The following TSPAN11 variants were observed in gnomAD, a reference collection of about 807,000 sequenced individuals.
TSPAN11 encodes tetraspanin 11.
A neutral mutation model predicts 32.9 loss-of-function variants in TSPAN11; 29 were observed. The observed-to-expected ratio is 0.88, with a 90% CI of 0.66 to 1.20. The LOEUF (loss-of-function observed/expected upper bound fraction) is 1.20. TSPAN11 is among the 50% of genes most tolerant of loss of function. The probability of loss-of-function intolerance (pLI) is 0.00; values close to 1 mark genes in which losing one functional copy is unlikely to be tolerated. For missense variants in TSPAN11, 283 were observed against 329.1 expected, an observed-to-expected ratio of 0.86 and a Z score of 1.08; for synonymous variants, 140 against 141.3, an observed-to-expected ratio of 0.99 and a Z score of 0.07.
Position 30,993,895 on chromosome 12 carries a change from A to G in TSPAN11, c.*1980A>G, listed in dbSNP as rs1301397528. ...CTGTCTGCCCTGGTGGGGATGAAAG[A>G]CAGGTGACAGGCAGGTGCCCTGTGC... On this transcript the variant is annotated 3_prime_UTR_variant, in exon 8 of 8. Coordinates refer to ENST00000546076, the MANE Select transcript of TSPAN11 (RefSeq NM_001370302.1). 1.3e-5 allele frequency: 2 copies of G among 152,240 alleles called. No homozygotes were observed. Among genetic ancestry groups the G allele is most frequent in the Non-Finnish European group, 2.9e-5 (2 of 68,056 alleles). The allele number at this position is 152,240 out of a possible 1,614,324, so 9.4% of individuals were successfully genotyped here. A position where few individuals can be genotyped will look rare whatever the true frequency, so the allele number is the denominator to read the frequency against.
At chr12:30,955,354 G>C (rs1020511400) in intron 2 of TSPAN11, 1 of 152,210 alleles carries the variant, frequency 6.6e-6, no homozygotes, top group Non-Finnish European at 1.5e-5. Flanking sequence ...TAAACTGTGT[G>C]GTAGAGATGG....
At chr12:31,005,580 C>G in the TSPAN11 span, among the ~76,000 whole-genome samples, 1 of 152,226 alleles carries the variant, frequency 6.6e-6, no homozygotes, top group East Asian at 1.9e-4. Flanking sequence ...TGCCCCAGGT[C>G]TCCCTGTGCC....
chr12:30,991,982 C>T lies in TSPAN11; in HGVS notation c.*67C>T. ...TGTGGCCACATGCCATCTGCAAGGC[C>T]TGCAGAGTTAGCACCAGCTCCACTA... On this transcript the variant is annotated 3_prime_UTR_variant, in exon 8 of 8. Transcript: ENST00000546076. 1 of 1,562,404 alleles carries T rather than the reference C, an allele frequency of 6.4e-7. No individual in the cohort carries two copies. The highest frequency in any genetic ancestry group is 8.8e-7 in the Non-Finnish European group (1 of 1,133,330).
At chr12:31,005,568 C>T in the TSPAN11 span, among the ~76,000 whole-genome samples, 549 of 152,306 alleles carry the variant, frequency 3.6e-3, 6 homozygotes, top group African/African-American at 0.013. Flanking sequence ...CCAGGTGCCC[C>T]GTGCCCCAGG....
intron 1 of TSPAN11, among the ~76,000 whole-genome samples, chr12:30,948,283 C>T (rs772941153): frequency 1.3e-5 from 2 of 152,188 alleles, no homozygotes; most frequent in Non-Finnish European, 1.5e-5. Context: ...ACAGTGGCCC[C>T]CTTCTCACAG....
chr12:30,966,688 G>A lies in TSPAN11; in HGVS notation c.276+2671G>A, dbSNP rs115131037. On this transcript the variant is annotated intron_variant, in intron 3 of 7. Transcript: ENST00000546076. ...GACCAGAGGCCAAGGGGGAGGATGTGTGCAGGGCACACCCTGCCCTCCATC... is the reference window on the plus strand; with the variant it reads ...GACCAGAGGCCAAGGGGGAGGATGTATGCAGGGCACACCCTGCCCTCCATC... Among the ~76,000 whole-genome samples the A allele has an allele frequency of 2.2e-3, 341 of 152,374 alleles. 1 individual carries two copies. The highest frequency in any genetic ancestry group is 7.6e-3 in the African/African-American group (317 of 41,596).
At chr12:30,985,332 GTGTTCAATAAA>G (rs1472186526) in intron 7 of TSPAN11, among the ~76,000 whole-genome samples, 2 of 152,002 alleles carry the variant, frequency 1.3e-5, no homozygotes, top group African/African-American at 2.4e-5. Flanking sequence ...CAGATAGCAG[GTGTTCAATAAA>G]TGATACCCAT....
At chr12:30,927,809 T>C (rs1489490326) in intron 1 of TSPAN11, among the ~76,000 whole-genome samples, 2 of 152,208 alleles carry the variant, frequency 1.3e-5, no homozygotes, top group Non-Finnish European at 1.5e-5. Flanking sequence ...ACTGTGTCAG[T>C]AGCATTGTTC....
chr12:30,959,560 C>T (rs1229669141), intron 2 of TSPAN11, among the ~76,000 whole-genome samples: 1 of 151,968 alleles, frequency 6.6e-6, no homozygotes, highest in African/African-American at 2.4e-5. Context: ...TACTAGGTAA[C>T]CACACTGTTT....
intron 1 of TSPAN11, 144 bp from the exon 2 acceptor site, chr12:30,953,837 A>G: frequency 3.3e-6 from 2 of 612,546 alleles, no homozygotes; most frequent in South Asian, 2.0e-5. Context: ...TCTTTGCTCC[A>G]TGCTGCACAT....
chr12:30,998,344 C>T (rs1939443987), downstream of TSPAN11, among the ~76,000 whole-genome samples: 1 of 152,226 alleles, frequency 6.6e-6, no homozygotes, highest in Non-Finnish European at 1.5e-5. Context: ...GTGCTGATGC[C>T]TCATGTCAGC....
chr12:30,941,486 T>C (rs1938163384), intron 1 of TSPAN11, among the ~76,000 whole-genome samples: 1 of 152,160 alleles, frequency 6.6e-6, no homozygotes, highest in South Asian at 2.1e-4. Flanking sequence ...CCCAACCCAG[T>C]AAGGAGGGTA....
Position 30,982,628 on chromosome 12 carries a change from T to C in TSPAN11, c.553T>C (p.Cys185Arg). ...AEGRQVPDSCCKTVVVRCGQR... is the reference protein window; with the variant it reads ...AEGRQVPDSCRKTVVVRCGQR... ...GGGCCGCCAGGTGCCCGACAGCTGCTGCAAGACAGTGGTGGTGCGCTGCGG... is the reference window on the plus strand; with the variant it reads ...GGGCCGCCAGGTGCCCGACAGCTGCCGCAAGACAGTGGTGGTGCGCTGCGG... The change falls in exon 6 of 8, where the codon TGC (cysteine) becomes CGC (arginine). Residue 185 changes from cysteine to arginine, a missense_variant. Cys to Arg is a radical substitution (Grantham distance 180). Coordinates refer to ENST00000546076, the MANE Select transcript of TSPAN11 (RefSeq NM_001370302.1). The C allele has an allele frequency of 6.2e-7, 1 of 1,612,362 alleles. No individual in the cohort carries two copies. The highest frequency in any genetic ancestry group is 8.5e-7 in the Non-Finnish European group (1 of 1,179,548).
intron 3 of TSPAN11, among the ~76,000 whole-genome samples, chr12:30,964,567 T>C (rs1938689534): frequency 6.6e-6 from 1 of 152,098 alleles, no homozygotes; most frequent in Admixed American, 6.5e-5. Flanking sequence ...TCATAGCCGA[T>C]CTTGGTTCCG....
chr12:30,996,539 G>A lies in TSPAN11; in HGVS notation c.*4624G>A, dbSNP rs1939421010. On this transcript the variant is annotated 3_prime_UTR_variant, in exon 8 of 8. Coordinates refer to ENST00000546076, the MANE Select transcript of TSPAN11 (RefSeq NM_001370302.1). ...ACCCCTGTCCTTAGCTGATCTAGGT[G>A]GAAGCCCAGCTTCATGTGCTAGGGG... 6.6e-6 allele frequency: 1 copy of A among 152,174 alleles called. No individual in the cohort carries two copies. The highest frequency in any genetic ancestry group is 1.5e-5 in the Non-Finnish European group (1 of 68,024). 9.4% of individuals were successfully genotyped at this position (152,174 alleles called of 1,614,324 possible).
the TSPAN11 span, among the ~76,000 whole-genome samples, chr12:31,009,485 A>G: frequency 3.4e-4 from 51 of 152,204 alleles, no homozygotes; most frequent in Non-Finnish European, 6.2e-4. Context: ...GATGCTGGGC[A>G]CAGAGGGAAT....
intron 3 of TSPAN11, among the ~76,000 whole-genome samples, chr12:30,974,731 C>CA (rs1681741205): frequency 6.6e-6 from 1 of 152,220 alleles, no homozygotes; most frequent in Non-Finnish European, 1.5e-5. Context: ...AGAGTGGTAA[C>CA]ACCTGAAGCA....
At chr12:30,957,488 A>G (rs1268190233) in intron 2 of TSPAN11, among the ~76,000 whole-genome samples, 4 of 152,132 alleles carry the variant, frequency 2.6e-5, no homozygotes. Flanking sequence ...AATTGGTTAA[A>G]TGGGCACTAA....
At chr12:31,009,033 G>C in the TSPAN11 span, among the ~76,000 whole-genome samples, 1 of 152,222 alleles carries the variant, frequency 6.6e-6, no homozygotes, top group African/African-American at 2.4e-5. Context: ...TGTGTTAGAC[G>C]AGCTAAATCA....
Sources: gnomAD v4.1 joint callset for allele counts (sites outside exome capture counted in the v4.1 genomes callset) on GRCh38, gnomAD v4.1.1 for gene constraint, MANE v1.5 for transcripts, NCBI Gene and HGNC (gene_info 2026-07-23, HGNC 2026-07-21) for gene names.